Variants in RBM19 observed in about 807,000 individuals in gnomAD.
RBM19 encodes the protein RNA binding motif protein 19.
A neutral mutation model predicts 116.8 loss-of-function variants in RBM19; 94 were observed. The observed-to-expected ratio is 0.80, with a 90% CI of 0.68 to 0.95. The LOEUF (loss-of-function observed/expected upper bound fraction) is 0.95. RBM19 is among the 40% of genes least tolerant of loss of function. The pLI is 0.00. For synonymous variants in RBM19, 475 were observed against 494.1 expected (o/e 0.96, Z 0.51); for missense variants, 1,161 against 1,220.7 (o/e 0.95, Z 0.73).
chr12:113,860,129 G>A (rs956798742), intron 21 of RBM19, among the ~76,000 whole-genome samples: 5 of 152,200 alleles, frequency 3.3e-5, no homozygotes, highest in South Asian at 4.1e-4. Flanking sequence ...TGCAGGCAAC[G>A]AGAAACGGCA....
chr12:113,944,093 G>GTT (rs71433305), intron 13 of RBM19, among the ~76,000 whole-genome samples: 1,530 of 67,570 alleles, frequency 0.023, 16 homozygotes, highest in Middle Eastern at 0.042. Context: ...CCAGATGCAT[G>GTT]TTTTTTTTTT....
chr12:113,915,287 C>T (rs757430698), intron 20 of RBM19, among the ~76,000 whole-genome samples: 1 of 152,172 alleles, frequency 6.6e-6, no homozygotes, highest in Non-Finnish European at 1.5e-5. Flanking sequence ...GTCAGGGGGA[C>T]ACATCCGTGC....
intron 23 of RBM19, among the ~76,000 whole-genome samples, chr12:113,830,244 G>A (rs1252830079): frequency 6.6e-6 from 1 of 152,164 alleles, no homozygotes; most frequent in Non-Finnish European, 1.5e-5. Context: ...AAAGGCCATT[G>A]GTTCTCAATC....
intron 18 of RBM19, 128 bp from the exon 19 acceptor site, chr12:113,920,818 C>G (rs1324225109): frequency 2.1e-5 from 17 of 814,032 alleles, no homozygotes; most frequent in Non-Finnish European, 3.4e-5. Flanking sequence ...TCATTCCCCC[C>G]AAAAATCTCA....
At chr12:113,961,616 C>T (rs1872510409) in intron 2 of RBM19, among the ~76,000 whole-genome samples, 1 of 152,186 alleles carries the variant, frequency 6.6e-6, no homozygotes, top group Admixed American at 6.5e-5. Context: ...TCCTTCTCAA[C>T]AAAGCATTAG....
intron 21 of RBM19, among the ~76,000 whole-genome samples, chr12:113,880,934 C>T (rs1880071124): frequency 6.6e-6 from 1 of 152,190 alleles, no homozygotes; most frequent in South Asian, 2.1e-4. Flanking sequence ...CTCTCTCTGC[C>T]TTGCCCCCTT....
At chr12:113,957,702 C>A in intron 6 of RBM19, 80 bp downstream of exon 6, 1 of 1,502,440 alleles carries the variant, frequency 6.7e-7, no homozygotes, top group Non-Finnish European at 8.9e-7. Flanking sequence ...ATTCCGCTCT[C>A]CTAACAGAGG....
chr12:113,914,295 C>T lies in RBM19; in HGVS notation c.2558+674G>A, dbSNP rs1882634841. Among the ~76,000 whole-genome samples the T allele has an allele frequency of 3.9e-5, 6 of 152,244 alleles. No individual in the cohort carries two copies. In the South Asian group the frequency reaches 8.3e-4, roughly 21 times the overall value. The stretch of plus-strand genomic sequence containing the variant: ...GCCTGCTGCTCAGTCCCCACCCAGC[C>T]TGCTGCCGTTACCGGCTGGGTCCCT... On this transcript the variant is annotated intron_variant, in intron 21 of 23. Transcript: ENST00000261741.
intron 22 of RBM19, among the ~76,000 whole-genome samples, chr12:113,856,397 A>G (rs913377459): frequency 1.3e-5 from 2 of 152,224 alleles, no homozygotes; most frequent in African/African-American, 2.4e-5. Context: ...GCTGAAGAGC[A>G]AAACTTAGCC....
rs1435570934 is a variant in RBM19, at chr12:113,958,108, G to A, written c.572-58C>T. 37 of 1,545,628 alleles carry A rather than the reference G, an allele frequency of 2.4e-5. No homozygotes were observed. In the South Asian group the frequency reaches 3.9e-4, roughly 16 times the overall value. On this transcript the variant is annotated intron_variant, in intron 5 of 23. Coordinates refer to ENST00000261741, the MANE Select transcript of RBM19 (RefSeq NM_016196.4). ...GCTATGAGCAAACCAGAGGTCAGAG[G>A]TAGCAAATGGTAGATGGTCCTCCTA...
intron 17 of RBM19, 131 bp downstream of exon 17, chr12:113,926,923 G>C (rs752554537): frequency 6.1e-5 from 64 of 1,055,970 alleles, no homozygotes; most frequent in Non-Finnish European, 8.5e-5. Context: ...CAAGTAGGTG[G>C]TGCTGGTTAT....
chr12:113,950,699 C>T (rs1404325044), intron 8 of RBM19, among the ~76,000 whole-genome samples: 2 of 152,176 alleles, frequency 1.3e-5, no homozygotes, highest in African/African-American at 4.8e-5. Context: ...CCCTGCTTTT[C>T]TGGAGCATTA....
intron 8 of RBM19, among the ~76,000 whole-genome samples, chr12:113,951,590 A>C (rs1871468233): frequency 6.8e-6 from 1 of 147,448 alleles, no homozygotes; most frequent in Non-Finnish European, 1.5e-5. Flanking sequence ...CCCTTGTCCA[A>C]GGTCATAGGG....
chr12:113,917,409 A>G (rs1327451897), intron 20 of RBM19, among the ~76,000 whole-genome samples: 1 of 152,194 alleles, frequency 6.6e-6, no homozygotes, highest in African/African-American at 2.4e-5. Context: ...TGGGGCTCAA[A>G]GCCTGAGCTC....
At chr12:113,859,169 C>G (rs1262212769) in intron 21 of RBM19, among the ~76,000 whole-genome samples, 1 of 152,180 alleles carries the variant, frequency 6.6e-6, no homozygotes, top group Non-Finnish European at 1.5e-5. Context: ...ACTCCCTGCC[C>G]CCATGGGGCC....
intron 21 of RBM19, among the ~76,000 whole-genome samples, chr12:113,900,604 T>A (rs1881625801): frequency 1.3e-5 from 2 of 151,968 alleles, no homozygotes; most frequent in Admixed American, 1.3e-4. Flanking sequence ...AGAATTCAGG[T>A]CTCCTGACTC....
chr12:113,872,981 G>A (rs1318771622), intron 21 of RBM19, among the ~76,000 whole-genome samples: 39 of 95,656 alleles, frequency 4.1e-4, no homozygotes, highest in East Asian at 1.1e-3. Context: ...GGTGAGGGGC[G>A]CCTCTGCCCG....
At chr12:113,871,431 T>C (rs1286470307) in intron 21 of RBM19, among the ~76,000 whole-genome samples, 1 of 152,172 alleles carries the variant, frequency 6.6e-6, no homozygotes, top group Non-Finnish European at 1.5e-5. Flanking sequence ...AGCCACGAAT[T>C]AGACCAGGGA....
intron 1 of RBM19, among the ~76,000 whole-genome samples, chr12:113,965,811 A>G (rs2135951256): frequency 6.6e-6 from 1 of 152,306 alleles, no homozygotes; most frequent in Admixed American, 6.5e-5. Context: ...TGTCTTCCCC[A>G]ACAGTTTCCA....
Sources: allele counts gnomAD v4.1 joint callset (sites outside exome capture counted in the v4.1 genomes callset), GRCh38; gene constraint gnomAD v4.1.1; transcripts MANE v1.5; gene names NCBI Gene and HGNC (gene_info 2026-07-23, HGNC 2026-07-21).